Variants in LEMD1 observed in about 807,000 individuals in gnomAD.
LEMD1 encodes the protein LEM domain-containing protein 1.
In LEMD1, 18 loss-of-function variants were observed where a neutral mutation model predicts 17.4. That is an observed-to-expected ratio of 1.04 (90% CI 0.72 to 1.54). The LOEUF (loss-of-function observed/expected upper bound fraction) is 1.54. Ranked by LOEUF, LEMD1 falls within the 40% of genes most tolerant of loss-of-function variation. The pLI is 0.00. For synonymous variants in LEMD1, 88 were observed against 77.8 expected (o/e 1.13, Z -0.69); for missense variants, 195 against 210.4 (o/e 0.93, Z 0.45).
chr1:205,444,055 G>T (rs554389177), intron 1 of LEMD1, among the ~76,000 whole-genome samples: 2 of 152,066 alleles, frequency 1.3e-5, no homozygotes, highest in African/African-American at 2.4e-5. Flanking sequence ...GTCTATTTGA[G>T]GGGGAGGAGT....
At chr1:205,414,119 G>T (rs1421400994) in intron 4 of LEMD1, among the ~76,000 whole-genome samples, 1 of 152,092 alleles carries the variant, frequency 6.6e-6, no homozygotes, top group East Asian at 1.9e-4. Flanking sequence ...AGGGAGATGA[G>T]GTTACAGGAG....
In LEMD1 at chr1:205,438,761, C is replaced by T. The variant is rs1470549757; in HGVS notation, c.-39+11107G>A. Among the ~76,000 whole-genome samples, 3 of 152,032 alleles carry T rather than the reference C, an allele frequency of 2.0e-5. No homozygotes were observed. In the East Asian group the frequency reaches 5.8e-4, roughly 29 times the overall value. ...GAACACTTTGACCTTGGGACCCCACCCATGTTCCCAAAGCCAGGGCTCAAG... is the reference window on the plus strand; with the variant it reads ...GAACACTTTGACCTTGGGACCCCACTCATGTTCCCAAAGCCAGGGCTCAAG... On this transcript the variant is annotated intron_variant, in intron 1 of 3. Transcript: ENST00000367154.
intron 4 of LEMD1, among the ~76,000 whole-genome samples, chr1:205,411,099 A>AGGAAGGAGGGAGGGAGGG (rs1665377799): frequency 2.0e-5 from 3 of 148,136 alleles, no homozygotes; most frequent in Non-Finnish European, 4.5e-5. Context: ...GAAGAAAGAA[A>AGGAAGGAGGGAGGGAGGG]AAAGAAAGAA....
intron 4 of LEMD1, among the ~76,000 whole-genome samples, chr1:205,390,281 G>C (rs1011390250): frequency 1.4e-4 from 21 of 151,954 alleles, no homozygotes; most frequent in Non-Finnish European, 2.4e-4. Context: ...CTTGAACCTG[G>C]GAGGTGGAGG....
rs544507896 is a variant in LEMD1, at chr1:205,381,628, G to C, written c.*30C>G. 6.2e-7 allele frequency: 1 copy of C among 1,606,268 alleles called. No individual in the cohort carries two copies. The highest frequency in any genetic ancestry group is 1.3e-5 in the African/African-American group (1 of 74,794). On this transcript the variant is annotated 3_prime_UTR_variant, in exon 6 of 6. Coordinates refer to ENST00000367153, the MANE Select transcript of LEMD1 (RefSeq NM_001199050.2). ...GTTCTTTCCTGAAGCAGGAGGCCTC[G>C]CTTGGAGCATTGCTTTGCTCCTAAA... is the stretch of plus-strand genomic sequence containing the variant.
intron 4 of LEMD1, among the ~76,000 whole-genome samples, chr1:205,411,089 GAAGAAAGAAA>G (rs972467443): frequency 2.2e-4 from 3 of 13,878 alleles, no homozygotes; most frequent in African/African-American, 6.1e-4. Context: ...GAAGGAAAAA[GAAGAAAGAAA>G]AAAGAAAGAA....
intron 4 of LEMD1, among the ~76,000 whole-genome samples, chr1:205,408,103 G>A (rs1665206225): frequency 6.6e-6 from 1 of 152,142 alleles, no homozygotes; most frequent in African/African-American, 2.4e-5. Context: ...TGGAGTGGTT[G>A]TGGATGAGAA....
At chr1:205,389,130 C>G (rs1664207976) in intron 4 of LEMD1, among the ~76,000 whole-genome samples, 3 of 141,722 alleles carry the variant, frequency 2.1e-5, no homozygotes. Context: ...CTCACTGCAA[C>G]CTCCGCTTCC....
intron 4 of LEMD1, among the ~76,000 whole-genome samples, chr1:205,407,256 G>A (rs547457057): frequency 1.3e-5 from 2 of 151,678 alleles, no homozygotes; most frequent in East Asian, 2.0e-4. Context: ...GTTGAACCTG[G>A]GAGGGGGAGG....
chr1:205,403,522 G>T (rs1664950446), intron 4 of LEMD1, among the ~76,000 whole-genome samples: 1 of 152,110 alleles, frequency 6.6e-6, no homozygotes, highest in Non-Finnish European at 1.5e-5. Flanking sequence ...ATGGTAGTTT[G>T]TATTTCTGTG....
intron 4 of LEMD1, among the ~76,000 whole-genome samples, chr1:205,389,577 G>T (rs774258694): frequency 6.6e-6 from 1 of 152,150 alleles, no homozygotes; most frequent in Non-Finnish European, 1.5e-5. Context: ...ACTCCTTACC[G>T]CTGGACTTGG....
At chr1:205,445,216 G>T (rs1171401995) in intron 1 of LEMD1, among the ~76,000 whole-genome samples, 2 of 152,074 alleles carry the variant, frequency 1.3e-5, no homozygotes, top group East Asian at 3.9e-4. Context: ...GGCCGCCACG[G>T]AGCCTCCTTC....
intron 3 of LEMD1, among the ~76,000 whole-genome samples, chr1:205,416,764 A>G (rs757517560): frequency 6.6e-6 from 1 of 152,250 alleles, no homozygotes; most frequent in Non-Finnish European, 1.5e-5. Flanking sequence ...ATTAGCCTGC[A>G]AAGAAGCATT....
intron 4 of LEMD1, among the ~76,000 whole-genome samples, chr1:205,402,812 A>T (rs899948321): frequency 2.6e-5 from 4 of 151,450 alleles, no homozygotes; most frequent in Non-Finnish European, 5.9e-5. Flanking sequence ...GTTTTTGCCC[A>T]TTCAGTATGA....
At chr1:205,397,645 T>C (rs1000151252) in intron 4 of LEMD1, among the ~76,000 whole-genome samples, 7 of 152,202 alleles carry the variant, frequency 4.6e-5, no homozygotes, top group Non-Finnish European at 7.4e-5. Context: ...TTGTAATGAA[T>C]AATGCCTAGT....
chr1:205,426,495 G>GT (rs1430546532), upstream of LEMD1, among the ~76,000 whole-genome samples: 1 of 152,184 alleles, frequency 6.6e-6, no homozygotes, highest in Non-Finnish European at 1.5e-5. Context: ...GTTGGGGGTG[G>GT]TGTTGTTCAG....
At chr1:205,405,551 AT>A (rs1236667705) in intron 4 of LEMD1, among the ~76,000 whole-genome samples, 1 of 144,644 alleles carries the variant, frequency 6.9e-6, no homozygotes, top group Non-Finnish European at 1.5e-5. Context: ...TTTCAGCTCC[AT>A]CAGCTCCTTT....
chr1:205,403,026 C>T (rs1355714708), intron 4 of LEMD1, among the ~76,000 whole-genome samples: 3 of 151,728 alleles, frequency 2.0e-5, no homozygotes, highest in Non-Finnish European at 4.4e-5. Flanking sequence ...TATATTGAAC[C>T]AGCCTTGCAA....
chr1:205,395,191 A>G (rs111846386), intron 4 of LEMD1, among the ~76,000 whole-genome samples: 448 of 152,310 alleles, frequency 2.9e-3, no homozygotes, highest in African/African-American at 0.01. Context: ...GATAGATAAA[A>G]TTGTAAAACA....
Sources: gnomAD v4.1 joint callset for allele counts (sites outside exome capture counted in the v4.1 genomes callset) on GRCh38, gnomAD v4.1.1 for gene constraint, MANE v1.5 for transcripts, NCBI Gene and HGNC (gene_info 2026-07-23, HGNC 2026-07-21) for gene names.